Variants in UNC5D observed in about 807,000 individuals in gnomAD.
UNC5D encodes unc-5 netrin receptor D, also known as netrin receptor UNC5D.
Under a neutral mutation model 105.4 loss-of-function variants are expected in UNC5D, and 39 were observed. The ratio of observed to expected loss-of-function variants is 0.37; its 90% CI spans 0.29 to 0.48. The LOEUF is 0.48. UNC5D is among the 20% of genes least tolerant of loss of function. The pLI is 0.98. For synonymous variants in UNC5D, 452 were observed against 450.4 expected, an observed-to-expected ratio of 1.00 and a Z score of -0.04; for missense variants, 991 against 1,202.4, an observed-to-expected ratio of 0.82 and a Z score of 2.60.
chr8:35,525,732 A>G (rs953985867), intron 1 of UNC5D: 2 of 1,580,798 alleles, frequency 1.3e-6, no homozygotes, highest in African/African-American at 2.7e-5. Context: ...CTGGCTCCCA[A>G]CGCTGAAGTA....
intron 1 of UNC5D, among the ~76,000 whole-genome samples, chr8:35,250,128 A>G (rs922867150): frequency 6.6e-6 from 1 of 152,172 alleles, no homozygotes; most frequent in African/African-American, 2.4e-5. Flanking sequence ...CCTTGTTTAT[A>G]GAAACACCCA....
intron 2 of UNC5D, among the ~76,000 whole-genome samples, chr8:35,558,118 C>A (rs2958258): frequency 1.7e-5 from 2 of 121,064 alleles, no homozygotes; most frequent in Non-Finnish European, 3.2e-5. Flanking sequence ...AAGAGTGAAA[C>A]TTCGTCTCAA....
chr8:35,706,983 A>G (rs1429546279), intron 8 of UNC5D, among the ~76,000 whole-genome samples: 2 of 152,248 alleles, frequency 1.3e-5, no homozygotes, highest in Admixed American at 6.5e-5. Context: ...AGGAGATTAG[A>G]CAACGGCCTG....
At chr8:35,618,057 C>T (rs145028357) in intron 4 of UNC5D, among the ~76,000 whole-genome samples, 3 of 152,270 alleles carry the variant, frequency 2.0e-5, no homozygotes, top group African/African-American at 4.8e-5. Flanking sequence ...GTCAGGCTGA[C>T]GATTCATATA....
intron 1 of UNC5D, among the ~76,000 whole-genome samples, chr8:35,442,995 A>G (rs761979305): frequency 1.3e-5 from 2 of 151,714 alleles, no homozygotes; most frequent in Non-Finnish European, 2.9e-5. Context: ...TCAAAATACC[A>G]TAATATAGGT....
At chr8:35,664,345 T>C (rs1824297753) in intron 4 of UNC5D, among the ~76,000 whole-genome samples, 1 of 152,130 alleles carries the variant, frequency 6.6e-6, no homozygotes, top group African/African-American at 2.4e-5. Flanking sequence ...TTGAGTCCAA[T>C]TGCCTAAGTC....
At chr8:35,701,616 T>C (rs898128940) in intron 7 of UNC5D, among the ~76,000 whole-genome samples, 17 of 152,116 alleles carry the variant, frequency 1.1e-4, no homozygotes, top group Non-Finnish European at 2.9e-5. Context: ...TTGTTCTCTT[T>C]CTCCATCATA....
intron 1 of UNC5D, among the ~76,000 whole-genome samples, chr8:35,344,584 A>C (rs1811673519): frequency 6.6e-6 from 1 of 152,082 alleles, no homozygotes; most frequent in Admixed American, 6.6e-5. Context: ...CAGAAACAGT[A>C]GGCTCTTTGT....
At chr8:35,736,322 G>T (rs888353050) in intron 11 of UNC5D, among the ~76,000 whole-genome samples, 1 of 152,204 alleles carries the variant, frequency 6.6e-6, no homozygotes, top group Non-Finnish European at 1.5e-5. Flanking sequence ...TGTAAGCCAA[G>T]ATTGCACCAC....
chr8:35,548,896 A>G (rs548324383), intron 1 of UNC5D, among the ~76,000 whole-genome samples: 3 of 152,342 alleles, frequency 2.0e-5, no homozygotes, highest in East Asian at 3.9e-4. Context: ...TGGGAGAACA[A>G]CATCTATTCT....
chr8:35,635,644 T>G (rs1189588788), intron 4 of UNC5D, among the ~76,000 whole-genome samples: 2 of 152,172 alleles, frequency 1.3e-5, no homozygotes, highest in African/African-American at 4.8e-5. Context: ...ACATGCTGCA[T>G]GTAGTAAAGG....
At chr8:35,342,653 G>A (rs1269906488) in intron 1 of UNC5D, among the ~76,000 whole-genome samples, 1 of 152,022 alleles carries the variant, frequency 6.6e-6, no homozygotes, top group Non-Finnish European at 1.5e-5. Flanking sequence ...CAGCCTAAAG[G>A]AAACGTGGGA....
At chr8:35,762,372 G>A (rs1801575296) in intron 14 of UNC5D, among the ~76,000 whole-genome samples, 1 of 152,118 alleles carries the variant, frequency 6.6e-6, no homozygotes, top group South Asian at 2.1e-4. Flanking sequence ...TACAATTTAT[G>A]GATGTAATTG....
At chr8:35,367,611 C>G (rs1178997871) in intron 1 of UNC5D, among the ~76,000 whole-genome samples, 1 of 151,172 alleles carries the variant, frequency 6.6e-6, no homozygotes, top group African/African-American at 2.5e-5. Context: ...TACTTCACTT[C>G]TGTTTCTGTA....
chr8:35,409,863 A>G (rs1035469789), intron 1 of UNC5D, among the ~76,000 whole-genome samples: 3 of 151,906 alleles, frequency 2.0e-5, no homozygotes, highest in Non-Finnish European at 2.9e-5. Flanking sequence ...TTTACATTTT[A>G]TACTTAAGTC....
rs1223180140 is a variant in UNC5D, at chr8:35,248,184, TATATAAATATATATTATATAAA to T, written c.103+12303_103+12324del. 2.5e-3 allele frequency among the ~76,000 whole-genome samples: 160 copies of T among 62,956 alleles called. 1 individual carries two copies. Among genetic ancestry groups the T allele is most frequent in the Admixed American group, 7.1e-3 (20 of 2,822 alleles). The allele number at this position is 62,956 out of a possible 152,430, so 41.3% of individuals were successfully genotyped here. On this transcript the variant is annotated intron_variant, in intron 1 of 16. Transcript: ENST00000404895. ...AATATATATTATATAATATATATAA[TATATAAATATATATTATATAAA>T]ATATATAATATATAAATATATGTTA...
chr8:35,745,148 A>G (rs1290593260), intron 11 of UNC5D, among the ~76,000 whole-genome samples: 1 of 152,208 alleles, frequency 6.6e-6, no homozygotes, highest in Admixed American at 6.5e-5. Flanking sequence ...ATGGTACACT[A>G]GAGGGCATTA....
chr8:35,258,449 G>A (rs1193754682), intron 1 of UNC5D, among the ~76,000 whole-genome samples: 1 of 152,168 alleles, frequency 6.6e-6, no homozygotes. Context: ...GACTACTTGA[G>A]TTAGGATTCA....
chr8:35,760,822 G>A (rs939809940), intron 14 of UNC5D, among the ~76,000 whole-genome samples: 6 of 151,556 alleles, frequency 4.0e-5, no homozygotes, highest in Non-Finnish European at 8.8e-5. Context: ...GTCAGAATGG[G>A]AACAAGCCTA....
Sources: gnomAD v4.1 joint callset for allele counts (sites outside exome capture counted in the v4.1 genomes callset) on GRCh38, gnomAD v4.1.1 for gene constraint, MANE v1.5 for transcripts, NCBI Gene and HGNC (gene_info 2026-07-23, HGNC 2026-07-21) for gene names.